RBKS: variants seen among roughly 807,000 people sequenced by gnomAD.
RBKS encodes the protein ribokinase.
A neutral mutation model predicts 33.9 loss-of-function variants in RBKS; 33 were observed. That is an observed-to-expected ratio of 0.97 (90% CI 0.74 to 1.30). RBKS has a LOEUF of 1.30. Among genes scored for constraint, RBKS ranks in the 50% most tolerant of loss-of-function variants. The probability of loss-of-function intolerance (pLI) is 0.00; values close to 1 mark genes in which losing one functional copy is unlikely to be tolerated. For synonymous variants in RBKS, 125 were observed against 143.0 expected, an observed-to-expected ratio of 0.87 and a Z score of 0.90; for missense variants, 361 against 392.6, an observed-to-expected ratio of 0.92 and a Z score of 0.68.
chr2:27,812,505 T>C (rs1678005315), intron 7 of RBKS, among the ~76,000 whole-genome samples: 1 of 152,206 alleles, frequency 6.6e-6, no homozygotes, highest in South Asian at 2.1e-4. Context: ...GTGGCACATA[T>C]ATACCATGGA....
At position 27,890,340 on chromosome 2, in the gene RBKS, C is replaced by T. The variant is rs1204310794; in HGVS notation, c.6G>A (p.Ala2=). 1.2e-6 allele frequency: 2 copies of T among 1,613,302 alleles called. No homozygotes were observed. The highest frequency in any genetic ancestry group is 1.7e-5 in the Admixed American group (1 of 60,012). ...ACTGCCTCTGGGGTTCCCCAGACGC[C>T]GCCATCGCTCAAAGGTGCTGCTGTC... The part of the protein sequence containing the change: M[A]ASGEPQRQWQ... The change falls in exon 1 of 8, where the codon GCG becomes GCA. Residue 2 remains alanine (A), a synonymous_variant. Coordinates refer to ENST00000302188, the MANE Select transcript of RBKS (RefSeq NM_022128.3). The surrounding 1 kb of genome is among the most constrained non-coding windows in gnomAD (Gnocchi z 4.8).
At position 27,852,213 on chromosome 2, in the gene RBKS, G is replaced by A. The variant is rs772267628; in HGVS notation, c.223-4116C>T. Among the ~76,000 whole-genome samples, 4 of 152,180 alleles carry A rather than the reference G, an allele frequency of 2.6e-5. No individual in the cohort carries two copies. The South Asian group carries it at 8.3e-4, about 32-fold the overall frequency. On this transcript the variant is annotated intron_variant, in intron 2 of 7. Transcript: ENST00000302188. The stretch of plus-strand genomic sequence containing the variant: ...CAATGATGAAATGTTCTATATCTGT[G>A]CTGTCCAATACAGAAAATGTTTTCT...
rs55791856 is a variant in RBKS at position 27,810,620 on chromosome 2, A to G, written c.795+16947T>C. On this transcript the variant is annotated intron_variant, in intron 7 of 7. Coordinates refer to ENST00000302188, the MANE Select transcript of RBKS (RefSeq NM_022128.3). This position sits in a 1 kb window ranked among gnomAD's most constrained non-coding sequence, Gnocchi z 4.4. Reference sequence around the variant, plus strand: ...TATGCTGAAAACCACTCAGACTGACAGAATGATCTGTTTGTTTCAACTATG... The same window carrying G: ...TATGCTGAAAACCACTCAGACTGACGGAATGATCTGTTTGTTTCAACTATG... Among the ~76,000 whole-genome samples the G allele has an allele frequency of 0.03, 4,607 of 152,298 alleles. 239 individuals are homozygous for G. The highest frequency in any genetic ancestry group is 0.11 in the African/African-American group (4,385 of 41,540).
At chr2:27,822,866 A>C (rs1678238448) in intron 7 of RBKS, among the ~76,000 whole-genome samples, 1 of 152,252 alleles carries the variant, frequency 6.6e-6, no homozygotes, top group Non-Finnish European at 1.5e-5. Flanking sequence ...TTGAGAAGAC[A>C]GATTTAGCCT....
intron 1 of RBKS, chr2:27,870,768 A>G (rs763215677): frequency 2.2e-6 from 1 of 464,272 alleles, no homozygotes. Context: ...CCATGCATAT[A>G]CTCACACAAA....
chr2:27,817,787 T>C (rs936206009), intron 7 of RBKS, among the ~76,000 whole-genome samples: 1 of 152,168 alleles, frequency 6.6e-6, no homozygotes, highest in African/African-American at 2.4e-5. Context: ...CCATCTTCCA[T>C]GGCTGCAGGT....
At chr2:27,888,377 T>C (rs1202195092) in intron 1 of RBKS, among the ~76,000 whole-genome samples, 1 of 152,204 alleles carries the variant, frequency 6.6e-6, no homozygotes, top group East Asian at 1.9e-4. Context: ...TCTGCCCACC[T>C]TGGCCTCCCA....
chr2:27,835,436 C>G (rs1336362560), intron 5 of RBKS, among the ~76,000 whole-genome samples: 6 of 143,866 alleles, frequency 4.2e-5, no homozygotes, highest in East Asian at 4.1e-4. Context: ...CCCCACCCCC[C>G]CTTTTCTGAG....
At chr2:27,840,356 GCGCGCGCGCA>G (rs1663462474) in intron 5 of RBKS, among the ~76,000 whole-genome samples, 1 of 121,560 alleles carries the variant, frequency 8.2e-6, no homozygotes, top group African/African-American at 3.1e-5. Context: ...ACACACACAC[GCGCGCGCGCA>G]CACACACACA....
At chr2:27,782,538 T>C (rs1304440663) in intron 7 of RBKS, 7 of 440,000 alleles carry the variant, frequency 1.6e-5, no homozygotes, top group African/African-American at 1.4e-4. Context: ...TTGTAGCACA[T>C]ACCTTAATTG....
chr2:27,843,571 G>A (rs899155087), intron 4 of RBKS, among the ~76,000 whole-genome samples: 2 of 152,090 alleles, frequency 1.3e-5, no homozygotes, highest in African/African-American at 4.8e-5. Context: ...ATGCGGTAAA[G>A]GTTCTGAATC....
Position 27,810,127 on chromosome 2 carries a change from A to G in RBKS, c.795+17440T>C. 3.1e-6 allele frequency: 4 copies of G among 1,288,100 alleles called. No individual in the cohort carries two copies. The highest frequency in any genetic ancestry group is 4.1e-6 in the Non-Finnish European group (4 of 984,224). 79.8% of individuals were successfully genotyped at this position (1,288,100 alleles called of 1,614,324 possible). A position where few individuals can be genotyped will look rare whatever the true frequency, so the allele number is the denominator to read the frequency against. On this transcript the variant is annotated intron_variant, in intron 7 of 7. Coordinates refer to ENST00000302188, the MANE Select transcript of RBKS (RefSeq NM_022128.3). This position sits in a 1 kb window ranked among gnomAD's most constrained non-coding sequence, Gnocchi z 4.4. The stretch of plus-strand genomic sequence containing the variant: ...AGCTGGTGTGGATGATTCACAACCA[A>G]CTGTGTATGTCTTGGCTGGTGCACC...
At chr2:27,847,156 ATTTAT>A in intron 3 of RBKS, 52 bp from the exon 4 acceptor site, 1 of 1,057,400 alleles carries the variant, frequency 9.5e-7, no homozygotes, top group Non-Finnish European at 1.5e-6. Flanking sequence ...GGCATGGATA[ATTTAT>A]TTTAACAATT....
chr2:27,890,379 G>A lies in RBKS; in HGVS notation c.-34C>T, dbSNP rs773544042. On this transcript the variant is annotated 5_prime_UTR_variant, in exon 1 of 8. Coordinates refer to ENST00000302188, the MANE Select transcript of RBKS (RefSeq NM_022128.3). The surrounding 1 kb of genome is among the most constrained non-coding windows in gnomAD (Gnocchi z 4.8). ...GGTGCTGCTGTCCAACCTGGACGGTGACCTCTGCCCTTTGCCCGACCCCGT... is the reference window on the plus strand; with the variant it reads ...GGTGCTGCTGTCCAACCTGGACGGTAACCTCTGCCCTTTGCCCGACCCCGT... The A allele has an allele frequency of 2.3e-4, 359 of 1,595,072 alleles. No individual in the cohort carries two copies. The highest frequency in any genetic ancestry group is 2.9e-4 in the Non-Finnish European group (342 of 1,170,584).
In RBKS at chr2:27,832,841, C is replaced by A. The variant is rs74741851; in HGVS notation, c.515-64G>T. The A allele has an allele frequency of 7.9e-4, 833 of 1,050,430 alleles. 8 individuals are homozygous for A. The East Asian group carries it at 0.015, about 19-fold the overall frequency. The allele number at this position is 1,050,430 out of a possible 1,614,324, so 65.1% of individuals were successfully genotyped here. ...ATTTTTAACATGGTGCATTTACAGACAACATTCAGTAGGGAAAATCCCCGA... is the reference window on the plus strand; with the variant it reads ...ATTTTTAACATGGTGCATTTACAGAAAACATTCAGTAGGGAAAATCCCCGA... On this transcript the variant is annotated intron_variant, in intron 5 of 7. Transcript: ENST00000302188.
chr2:27,789,400 C>CTTTTTT (rs569506674), intron 7 of RBKS, among the ~76,000 whole-genome samples: 1 of 130,276 alleles, frequency 7.7e-6, no homozygotes, highest in Admixed American at 7.7e-5. Context: ...GATTTTGAAG[C>CTTTTTT]TTTTTTTTTT....
chr2:27,849,596 A>G (rs12479069), intron 2 of RBKS, among the ~76,000 whole-genome samples: 1 of 149,430 alleles, frequency 6.7e-6, no homozygotes, highest in African/African-American at 2.5e-5. Context: ...AGAAAAAGAA[A>G]AAAAGAAAAA....
At chr2:27,848,205 T>C (rs1663661205) in intron 2 of RBKS, 108 bp from the exon 3 acceptor site, 1 of 598,714 alleles carries the variant, frequency 1.7e-6, no homozygotes, top group Non-Finnish European at 2.9e-6. Flanking sequence ...CACAGTACTT[T>C]ATAAACATTA....
chr2:27,782,886 T>G (rs979878550), intron 7 of RBKS, among the ~76,000 whole-genome samples: 7 of 152,314 alleles, frequency 4.6e-5, no homozygotes, highest in Admixed American at 1.3e-4. Context: ...GTTTCTATGC[T>G]CTATCTCCTT....
Sources: gnomAD v4.1 joint callset for allele counts (sites outside exome capture counted in the v4.1 genomes callset) on GRCh38, gnomAD v4.1.1 for gene constraint, Gnocchi (gnomAD v3.1) non-coding constraint, MANE v1.5 for transcripts, NCBI Gene and HGNC (gene_info 2026-07-23, HGNC 2026-07-21) for gene names.